ZDHHC14: variants seen among roughly 807,000 people sequenced by gnomAD.
ZDHHC14 encodes palmitoyltransferase ZDHHC14.
Under a neutral mutation model 47.7 loss-of-function variants are expected in ZDHHC14, and 16 were observed. That is an observed-to-expected ratio of 0.34 (90% CI 0.23 to 0.51). ZDHHC14 has a LOEUF of 0.51. Ranked by LOEUF, ZDHHC14 falls within the 20% of genes least tolerant of loss-of-function variation. The pLI, the probability that ZDHHC14 is intolerant of heterozygous loss-of-function variation, is 0.97. For missense variants in ZDHHC14, 515 were observed against 662.5 expected (o/e 0.78, Z 2.44); for synonymous variants, 293 against 278.9 (o/e 1.05, Z -0.50).
chr6:157,472,547 T>C (rs1017797313), intron 1 of ZDHHC14, among the ~76,000 whole-genome samples: 1 of 152,034 alleles, frequency 6.6e-6, no homozygotes, highest in Non-Finnish European at 1.5e-5. Flanking sequence ...AACACAATTA[T>C]GCACTCCTGT....
intron 1 of ZDHHC14, among the ~76,000 whole-genome samples, chr6:157,413,923 CTATTATTAT>C (rs66804075): frequency 1.3e-5 from 2 of 150,020 alleles, no homozygotes; most frequent in Non-Finnish European, 3.0e-5. Flanking sequence ...TCTCTCTGTG[CTATTATTAT>C]TATTATTATT....
At chr6:157,446,371 T>C (rs1464518476) in intron 1 of ZDHHC14, among the ~76,000 whole-genome samples, 1 of 152,146 alleles carries the variant, frequency 6.6e-6, no homozygotes, top group Admixed American at 6.5e-5. Flanking sequence ...GACCCTCCAG[T>C]TGGTATATAT....
intron 1 of ZDHHC14, among the ~76,000 whole-genome samples, chr6:157,529,503 A>G (rs1781289329): frequency 6.6e-6 from 1 of 152,154 alleles, no homozygotes; most frequent in Non-Finnish European, 1.5e-5. Flanking sequence ...TTATTCTTCA[A>G]CTGGAATTGG....
intron 1 of ZDHHC14, among the ~76,000 whole-genome samples, chr6:157,484,487 C>T (rs1489975889): frequency 1.4e-5 from 2 of 145,712 alleles, no homozygotes; most frequent in African/African-American, 2.5e-5. Flanking sequence ...TATATACACA[C>T]ACAAATAGAG....
At chr6:157,670,081 G>A (rs144352038) in intron 8 of ZDHHC14, among the ~76,000 whole-genome samples, 114 of 152,308 alleles carry the variant, frequency 7.5e-4, no homozygotes, top group African/African-American at 2.4e-3. Flanking sequence ...GAGAGCGCCC[G>A]CAGCCTACAC....
At chr6:157,414,821 C>CTT (rs71027333) in intron 1 of ZDHHC14, among the ~76,000 whole-genome samples, 7,414 of 111,640 alleles carry the variant, frequency 0.066, 316 homozygotes, top group African/African-American at 0.095. Flanking sequence ...AGGTTTGCAG[C>CTT]TTTTTTTTTT....
At chr6:157,668,449 C>T (rs1382872895) in intron 8 of ZDHHC14, among the ~76,000 whole-genome samples, 4 of 150,492 alleles carry the variant, frequency 2.7e-5, no homozygotes, top group African/African-American at 9.8e-5. Context: ...TTTGGGAGGC[C>T]GAGGAAGGCA....
intron 1 of ZDHHC14, among the ~76,000 whole-genome samples, chr6:157,458,553 A>G (rs979774992): frequency 2.0e-4 from 31 of 152,154 alleles, no homozygotes; most frequent in African/African-American, 7.0e-4. Flanking sequence ...TGTTGGTTTT[A>G]AAGAAATCGC....
chr6:157,381,353 G>C lies in ZDHHC14; in HGVS notation c.-669G>C, dbSNP rs1439111447. 1 of 160,454 alleles carries C rather than the reference G, an allele frequency of 6.2e-6. No homozygotes were observed. Among genetic ancestry groups the C allele is most frequent in the Non-Finnish European group, 1.4e-5 (1 of 73,056 alleles). 9.9% of individuals were successfully genotyped at this position (160,454 alleles called of 1,614,324 possible). A position where few individuals can be genotyped will look rare whatever the true frequency, so the allele number is the denominator to read the frequency against. On this transcript the variant is annotated 5_prime_UTR_variant, in exon 1 of 9. Coordinates refer to ENST00000359775, the MANE Select transcript of ZDHHC14 (RefSeq NM_024630.3). ...GCGCGGGGGCCGCGGATTCGACTAG[G>C]CTGCCAGGCGCAGCGACACCGGGTC...
intron 2 of ZDHHC14, among the ~76,000 whole-genome samples, chr6:157,576,809 T>C (rs1454700245): frequency 1.3e-5 from 2 of 152,266 alleles, no homozygotes; most frequent in Non-Finnish European, 2.9e-5. Context: ...TAATGGTCTA[T>C]GAAACTGAAA....
At chr6:157,594,511 A>G (rs540045058) in intron 3 of ZDHHC14, among the ~76,000 whole-genome samples, 7 of 152,320 alleles carry the variant, frequency 4.6e-5, no homozygotes, top group African/African-American at 1.7e-4. Context: ...TGCCTGCCGC[A>G]TGGGATAGTG....
chr6:157,435,349 G>T (rs1168263441), intron 1 of ZDHHC14, among the ~76,000 whole-genome samples: 2 of 152,234 alleles, frequency 1.3e-5, no homozygotes, highest in African/African-American at 4.8e-5. Context: ...CACATGGAGG[G>T]AGGGTAGGAG....
intron 1 of ZDHHC14, among the ~76,000 whole-genome samples, chr6:157,455,380 C>T (rs746040130): frequency 1.3e-5 from 2 of 152,210 alleles, no homozygotes; most frequent in African/African-American, 2.4e-5. Context: ...GGGAGGAAAG[C>T]GTTCTGGCCT....
intron 1 of ZDHHC14, among the ~76,000 whole-genome samples, chr6:157,401,078 G>T (rs1163642250): frequency 6.6e-6 from 1 of 152,176 alleles, no homozygotes; most frequent in Non-Finnish European, 1.5e-5. Flanking sequence ...CCATTTCAGG[G>T]TTTCCATGTG....
chr6:157,501,840 G>T (rs1316070553), intron 1 of ZDHHC14, among the ~76,000 whole-genome samples: 1 of 152,168 alleles, frequency 6.6e-6, no homozygotes, highest in Non-Finnish European at 1.5e-5. Context: ...CTATTGTTAA[G>T]AATATAATTT....
intron 1 of ZDHHC14, among the ~76,000 whole-genome samples, chr6:157,418,771 C>T (rs1263086307): frequency 1.3e-5 from 2 of 152,212 alleles, no homozygotes; most frequent in Non-Finnish European, 2.9e-5. Flanking sequence ...GTGAATGTAG[C>T]GCCAAACTTC....
At chr6:157,508,458 C>T (rs1780383477) in intron 1 of ZDHHC14, among the ~76,000 whole-genome samples, 1 of 152,188 alleles carries the variant, frequency 6.6e-6, no homozygotes, top group Admixed American at 6.5e-5. Context: ...CCTCAACCTC[C>T]AGGCTCAAGC....
At chr6:157,445,432 A>G (rs532574295) in intron 1 of ZDHHC14, among the ~76,000 whole-genome samples, 9 of 152,280 alleles carry the variant, frequency 5.9e-5, no homozygotes, top group African/African-American at 1.9e-4. Context: ...TTCCTGTTAC[A>G]TCTCCATGTC....
At chr6:157,430,894 T>A (rs1344323760) in intron 1 of ZDHHC14, among the ~76,000 whole-genome samples, 2 of 152,220 alleles carry the variant, frequency 1.3e-5, no homozygotes, top group Non-Finnish European at 2.9e-5. Flanking sequence ...CAGAGTTAGA[T>A]AAGATAGTCA....
Sources: allele counts gnomAD v4.1 joint callset (sites outside exome capture counted in the v4.1 genomes callset), GRCh38; gene constraint gnomAD v4.1.1; transcripts MANE v1.5; gene names NCBI Gene and HGNC (gene_info 2026-07-23, HGNC 2026-07-21).